The following PPFIA2 variants were observed in gnomAD, a reference collection of about 807,000 sequenced individuals.
PPFIA2 encodes PPFI scaffold protein A2.
Under a neutral mutation model 175.5 loss-of-function variants are expected in PPFIA2, and 46 were observed. The ratio of observed to expected loss-of-function variants is 0.26; its 90% CI spans 0.21 to 0.34. The LOEUF (loss-of-function observed/expected upper bound fraction) is 0.34. PPFIA2 is among the 10% of genes least tolerant of loss of function. The pLI, the probability that PPFIA2 is intolerant of heterozygous loss-of-function variation, is 1.00. For missense variants in PPFIA2, 1,179 were observed against 1,506.1 expected (o/e 0.78, Z 3.60); for synonymous variants, 568 against 511.4 (o/e 1.11, Z -1.49).
chr12:81,494,686 A>G (rs1043908201), intron 4 of PPFIA2, among the ~76,000 whole-genome samples: 127 of 152,208 alleles, frequency 8.3e-4, no homozygotes, highest in Non-Finnish European at 1.2e-3. Context: ...AAAGACTTGG[A>G]ACCAACCCAA....
chr12:81,468,404 G>A (rs147000885), intron 4 of PPFIA2, among the ~76,000 whole-genome samples: 1 of 152,306 alleles, frequency 6.6e-6, no homozygotes, highest in East Asian at 1.9e-4. Context: ...TCAGGGCTGA[G>A]TCATTGCCAA....
intron 4 of PPFIA2, among the ~76,000 whole-genome samples, chr12:81,568,056 A>G (rs937775282): frequency 6.6e-6 from 1 of 152,226 alleles, no homozygotes; most frequent in African/African-American, 2.4e-5. Context: ...TCTGACTAAC[A>G]CTAGGTTTAA....
chr12:81,431,304 C>A (rs1263259119), intron 7 of PPFIA2: 1 of 152,152 alleles, frequency 6.6e-6, no homozygotes, highest in Non-Finnish European at 1.5e-5. Context: ...CTATTTATTA[C>A]CCCTTGTACT....
At chr12:81,754,458 C>T (rs1313209842) in intron 2 of PPFIA2, among the ~76,000 whole-genome samples, 1 of 152,154 alleles carries the variant, frequency 6.6e-6, no homozygotes, top group African/African-American at 2.4e-5. Flanking sequence ...ATCCCACCTC[C>T]CATATGCAAC....
rs538990118 is a variant in PPFIA2 at position 81,445,741 on chromosome 12, T to C, written c.406-21A>G. 6.9e-6 allele frequency: 11 copies of C among 1,604,848 alleles called. No individual in the cohort carries two copies. The East Asian group carries it at 2.5e-4, about 36-fold the overall frequency. ...AATAGCTATTGGGTTTAACAGAAAA[T>C]GCAATTATCTTATGAATACAAGTCA... On this transcript the variant is annotated intron_variant, in intron 5 of 32. Coordinates refer to ENST00000549396, the MANE Select transcript of PPFIA2 (RefSeq NM_003625.5).
At chr12:81,263,124 G>C in intron 31 of PPFIA2, 107 bp downstream of exon 31, 1 of 1,184,346 alleles carries the variant, frequency 8.4e-7, no homozygotes, top group South Asian at 1.7e-5. Context: ...TTCAAGCAGA[G>C]CAAACCAACT....
intron 4 of PPFIA2, among the ~76,000 whole-genome samples, chr12:81,566,288 CTG>C (rs1037363115): frequency 5.3e-5 from 8 of 151,970 alleles, no homozygotes; most frequent in African/African-American, 1.7e-4. Flanking sequence ...CTTTGGGAGG[CTG>C]AGGCAGGTAG....
At chr12:81,396,035 C>A (rs1161448069) in intron 8 of PPFIA2, among the ~76,000 whole-genome samples, 1 of 151,940 alleles carries the variant, frequency 6.6e-6, no homozygotes, top group Non-Finnish European at 1.5e-5. Context: ...TTTCAGCAAA[C>A]CTTTAGAGGG....
At chr12:81,456,936 T>C (rs1001143241) in intron 5 of PPFIA2, among the ~76,000 whole-genome samples, 2 of 152,054 alleles carry the variant, frequency 1.3e-5, no homozygotes, top group African/African-American at 4.8e-5. Context: ...GGCACTCCTC[T>C]TTTAATGGGC....
chr12:81,436,279 TAAAAAAAAAAAAAAAAAAAAAAAAAAA>T (rs763809833), intron 7 of PPFIA2, among the ~76,000 whole-genome samples: 1,086 of 44,756 alleles, frequency 0.024, 24 homozygotes, highest in African/African-American at 0.048. Context: ...AGACCCTGTC[TAAAAAAAAAAAAAAAAAAAAAAAAAAA>T]AAAAAAAAAA....
At chr12:81,621,258 G>C (rs1361325360) in intron 4 of PPFIA2, among the ~76,000 whole-genome samples, 2 of 152,186 alleles carry the variant, frequency 1.3e-5, no homozygotes, top group African/African-American at 4.8e-5. Context: ...AGGCAGTATA[G>C]CTAGGGTGTG....
chr12:81,357,800 T>C (rs1264243916), intron 16 of PPFIA2, among the ~76,000 whole-genome samples: 2 of 151,858 alleles, frequency 1.3e-5, no homozygotes, highest in East Asian at 1.9e-4. Flanking sequence ...ATGTTGAACA[T>C]TTAGCTTTTC....
chr12:81,303,422 A>G (rs2048354747), intron 22 of PPFIA2, among the ~76,000 whole-genome samples: 1 of 152,218 alleles, frequency 6.6e-6, no homozygotes, highest in African/African-American at 2.4e-5. Flanking sequence ...TTTTAGAGGA[A>G]GTGTCAGGCA....
chr12:81,529,559 A>AAGAGAGAGAGAGAGAGAGAGAGAGAGAG (rs60373881), intron 4 of PPFIA2, among the ~76,000 whole-genome samples: 1 of 145,692 alleles, frequency 6.9e-6, no homozygotes, highest in African/African-American at 2.6e-5. Flanking sequence ...GGGCAGTGGA[A>AAGAGAGAGAGAGAGAGAGAGAGAGAGAG]AGAGAGAGAG....
chr12:81,693,309 G>A (rs753647753), intron 3 of PPFIA2, among the ~76,000 whole-genome samples: 3 of 152,068 alleles, frequency 2.0e-5, no homozygotes, highest in African/African-American at 7.2e-5. Context: ...CATGGGGGCA[G>A]ATCCCTCATA....
intron 28 of PPFIA2, among the ~76,000 whole-genome samples, chr12:81,270,522 C>A (rs1269481516): frequency 2.0e-5 from 3 of 152,110 alleles, no homozygotes; most frequent in Non-Finnish European, 4.4e-5. Context: ...AATAGACATG[C>A]ACACATGGAG....
intron 4 of PPFIA2, among the ~76,000 whole-genome samples, chr12:81,571,320 A>G (rs2072502622): frequency 6.6e-6 from 1 of 152,134 alleles, no homozygotes; most frequent in African/African-American, 2.4e-5. Flanking sequence ...AGAAGGAAAA[A>G]ATATCCCAGT....
intron 9 of PPFIA2, among the ~76,000 whole-genome samples, chr12:81,378,919 C>T (rs1180773409): frequency 1.3e-5 from 2 of 152,052 alleles, no homozygotes; most frequent in African/African-American, 2.4e-5. Flanking sequence ...TAGCACATAG[C>T]ATTGTTGTTA....
Position 81,753,996 on chromosome 12 carries a change from G to C in PPFIA2, c.226C>G (p.Gln76Glu). Residue 76 changes from glutamine to glutamate, a missense_variant, in exon 3 of 33, where the codon CAG becomes GAG. Physicochemically the swap from Gln to Glu is conservative, Grantham distance 29. This residue lies in a region of PPFIA2 where 128 missense variants were observed against 141.4 expected (regional missense o/e 0.91). Coordinates refer to ENST00000549396, the MANE Select transcript of PPFIA2 (RefSeq NM_003625.5). ...VIYDRDSLQR[Q>E]LNSALPQDIE... ...ACCTGTGGCAGGGCTGAATTGAGCT[G>C]TCTCTGGAGTGAGTCTCGGTCATAG... The C allele has an allele frequency of 6.2e-7, 1 of 1,613,900 alleles. No homozygotes were observed. Among genetic ancestry groups the C allele is most frequent in the Non-Finnish European group, 8.5e-7 (1 of 1,179,860 alleles).
Sources: allele counts gnomAD v4.1 joint callset (sites outside exome capture counted in the v4.1 genomes callset), GRCh38; gene constraint gnomAD v4.1.1; regional missense constraint gnomAD v4.1.1; transcripts MANE v1.5; gene names NCBI Gene and HGNC (gene_info 2026-07-23, HGNC 2026-07-21).